ATG4B: variants seen among roughly 807,000 people sequenced by gnomAD.
The protein encoded by ATG4B is autophagy related 4B cysteine peptidase.
In ATG4B, 29 loss-of-function variants were observed where a neutral mutation model predicts 56.6. The ratio of observed to expected loss-of-function variants is 0.51; its 90% CI spans 0.38 to 0.70. The LOEUF (loss-of-function observed/expected upper bound fraction) is 0.70, where lower values mean the gene tolerates loss of function less well. Ranked by LOEUF, ATG4B falls within the 30% of genes least tolerant of loss-of-function variation. The probability of loss-of-function intolerance (pLI) is 0.00; values close to 1 mark genes in which losing one functional copy is unlikely to be tolerated. For missense variants in ATG4B, 461 were observed against 515.5 expected, an observed-to-expected ratio of 0.89 and a Z score of 1.02; for synonymous variants, 224 against 206.1, an observed-to-expected ratio of 1.09 and a Z score of -0.74.
Position 241,668,300 on chromosome 2 carries a change from G to A in ATG4B, c.811+79G>A. On this transcript the variant is annotated intron_variant, in intron 9 of 12. Coordinates refer to ENST00000404914, the MANE Select transcript of ATG4B (RefSeq NM_013325.5). This position sits in a 1 kb window ranked among gnomAD's most constrained non-coding sequence, Gnocchi z 4.2. The stretch of plus-strand genomic sequence containing the variant: ...TCCATGAGCAGGTACCACACCCCAG[G>A]TGACCACTTGAGGCCACTGGTGGAA... The A allele has an allele frequency of 2.0e-6, 3 of 1,497,048 alleles. No homozygotes were observed. Among genetic ancestry groups the A allele is most frequent in the Non-Finnish European group, 2.7e-6 (3 of 1,098,394 alleles). The allele number at this position is 1,497,048 out of a possible 1,614,324, so 92.7% of individuals were successfully genotyped here.
chr2:241,664,684 G>T (rs1017392881), intron 7 of ATG4B, among the ~76,000 whole-genome samples: 1 of 152,088 alleles, frequency 6.6e-6, no homozygotes, highest in African/African-American at 2.4e-5. Flanking sequence ...GAAAAATGAG[G>T]CCAGGCACAT....
intron 10 of ATG4B, among the ~76,000 whole-genome samples, chr2:241,669,862 G>A (rs1156799717): frequency 6.6e-6 from 1 of 152,190 alleles, no homozygotes; most frequent in Non-Finnish European, 1.5e-5. Flanking sequence ...ACTAGAATTA[G>A]GTATGTTTGT....
chr2:241,672,342 C>G lies in ATG4B; in HGVS notation c.*78C>G. The G allele has an allele frequency of 7.4e-7, 1 of 1,342,642 alleles. No homozygotes were observed. Among genetic ancestry groups the G allele is most frequent in the Non-Finnish European group, 1.0e-6 (1 of 962,548 alleles). 83.2% of individuals were successfully genotyped at this position (1,342,642 alleles called of 1,614,324 possible). A position where few individuals can be genotyped will look rare whatever the true frequency, so the allele number is the denominator to read the frequency against. On this transcript the variant is annotated 3_prime_UTR_variant, in exon 13 of 13. Coordinates refer to ENST00000404914, the MANE Select transcript of ATG4B (RefSeq NM_013325.5). ...CTGCGTTTCATCCATCCCGCCCGCT[C>G]GCCTGCCGAGGGCTGCGCCCCGTGC...
At chr2:241,667,976 C>A in intron 8 of ATG4B, 167 bp from the exon 9 acceptor site, 1 of 614,254 alleles carries the variant, frequency 1.6e-6, no homozygotes, top group Non-Finnish European at 2.8e-6. Flanking sequence ...TGTGGGATGT[C>A]CTGTGGTCTT....
chr2:241,645,313 G>A lies in ATG4B; in HGVS notation c.11-5697G>A, dbSNP rs548922224. ...GTCCTTGGAGCCAGCCCGTGAGGCC[G>A]GGGGCAGGCTCTTGCTCTCTAAATG... On this transcript the variant is annotated intron_variant, in intron 1 of 12. Transcript: ENST00000404914. 4.6e-5 allele frequency among the ~76,000 whole-genome samples: 7 copies of A among 152,290 alleles called. No individual in the cohort carries two copies. In the South Asian group the frequency reaches 1.0e-3, roughly 23 times the overall value.
intron 1 of ATG4B, among the ~76,000 whole-genome samples, chr2:241,649,277 G>A (rs1425008536): frequency 1.3e-5 from 2 of 152,218 alleles, no homozygotes; most frequent in African/African-American, 4.8e-5. Flanking sequence ...GGCATAGTAT[G>A]ATTTCACGTA....
At chr2:241,658,411 C>T (rs1235977333) in intron 6 of ATG4B, among the ~76,000 whole-genome samples, 1 of 152,152 alleles carries the variant, frequency 6.6e-6, no homozygotes, top group Non-Finnish European at 1.5e-5. Flanking sequence ...CTGCTCCACC[C>T]CCACCCAGCT....
intron 6 of ATG4B, 147 bp downstream of exon 6, chr2:241,655,490 G>C: frequency 6.6e-6 from 5 of 761,900 alleles, no homozygotes; most frequent in Non-Finnish European, 8.6e-6. Flanking sequence ...AGCGATGACT[G>C]TGTTGAGGTC....
chr2:241,654,956 G>T, intron 5 of ATG4B: 1 of 572,580 alleles, frequency 1.7e-6, no homozygotes. Flanking sequence ...TGAATGCTCA[G>T]ATTGAAGTGG....
Position 241,666,791 on chromosome 2 carries a change from C to T in ATG4B, c.685C>T (p.Arg229Cys), listed in dbSNP as rs896136646. ...WRPLVLLIPLRLGLTDINEAY... is the reference protein window; with the variant it reads ...WRPLVLLIPLCLGLTDINEAY... ...ACCCCTGGTACTTCTCATTCCCCTG[C>T]GCCTGGGGCTCACGGACATCAACGA... Residue 229 changes from arginine (R) to cysteine (C), a missense_variant, in exon 8 of 13, where the codon CGC becomes TGC. By Grantham distance (180) the Arg-to-Cys change is radical (BLOSUM62 -3). Coordinates refer to ENST00000404914, the MANE Select transcript of ATG4B (RefSeq NM_013325.5). 5 of 1,584,890 alleles carry T rather than the reference C, an allele frequency of 3.2e-6. No homozygotes were observed. The highest frequency in any genetic ancestry group is 1.1e-5 in the South Asian group (1 of 87,072).
intron 1 of ATG4B, among the ~76,000 whole-genome samples, chr2:241,640,203 CTG>C (rs2067842460): frequency 1.3e-5 from 2 of 152,206 alleles, no homozygotes; most frequent in South Asian, 4.1e-4. Context: ...CCCTTGACAA[CTG>C]TGTTGACATG....
In ATG4B at chr2:241,668,044, A is replaced by G. The variant is rs2068834281; in HGVS notation, c.733-99A>G. 1.7e-6 allele frequency: 2 copies of G among 1,177,554 alleles called. No individual in the cohort carries two copies. Among genetic ancestry groups the G allele is most frequent in the South Asian group, 2.8e-5 (2 of 71,098 alleles). 72.9% of individuals were successfully genotyped at this position (1,177,554 alleles called of 1,614,324 possible). A position where few individuals can be genotyped will look rare whatever the true frequency, so the allele number is the denominator to read the frequency against. The stretch of plus-strand genomic sequence containing the variant: ...CCTCCTGTCCCCTCTTGTGTCACCC[A>G]GTTGGGCCTCAGCAGGCCCTTGGGC... On this transcript the variant is annotated intron_variant, in intron 8 of 12. Coordinates refer to ENST00000404914, the MANE Select transcript of ATG4B (RefSeq NM_013325.5). This position sits in a 1 kb window ranked among gnomAD's most constrained non-coding sequence, Gnocchi z 4.2.
Position 241,673,408 on chromosome 2 carries a change from G to GA in ATG4B, c.*1145dup. ...GGAAATGTAAACAGGAGGGCTTGGG[G>GA]AGCGTGGGCACTTTTCTCATGAGCA... is the stretch of plus-strand genomic sequence containing the variant. On this transcript the variant is annotated 3_prime_UTR_variant, in exon 13 of 13. Transcript: ENST00000404914. 2.7e-6 allele frequency: 1 copy of GA among 374,444 alleles called. No homozygotes were observed. Among genetic ancestry groups the GA allele is most frequent in the Non-Finnish European group, 5.4e-6 (1 of 185,984 alleles). 23.2% of individuals were successfully genotyped at this position (374,444 alleles called of 1,614,324 possible).
Position 241,651,915 on chromosome 2 carries a change from G to A in ATG4B, c.184+580G>A. 7.7e-7 allele frequency: 1 copy of A among 1,304,150 alleles called. No individual in the cohort carries two copies. Among genetic ancestry groups the A allele is most frequent in the Non-Finnish European group, 1.0e-6 (1 of 988,830 alleles). 80.8% of individuals were successfully genotyped at this position (1,304,150 alleles called of 1,614,324 possible). ...ATCATTGTTGTATACCCTGGAGCTG[G>A]AAGGAGATGGGGACTGGTTCTCAGC... On this transcript the variant is annotated intron_variant, in intron 3 of 12. Transcript: ENST00000404914. The surrounding 1 kb of genome is among the most constrained non-coding windows in gnomAD (Gnocchi z 4.1).
chr2:241,664,056 G>C (rs907630791), intron 7 of ATG4B, among the ~76,000 whole-genome samples: 2 of 152,120 alleles, frequency 1.3e-5, no homozygotes, highest in Admixed American at 6.5e-5. Flanking sequence ...CTGACCTCAT[G>C]ATCTGCCCAC....
At chr2:241,662,319 C>A (rs2068614409) in intron 7 of ATG4B, among the ~76,000 whole-genome samples, 1 of 152,204 alleles carries the variant, frequency 6.6e-6, no homozygotes, top group Non-Finnish European at 1.5e-5. Context: ...GGCATCTCAT[C>A]TTTGTGCCAT....
At chr2:241,660,060 C>T (rs2068542757) in intron 7 of ATG4B, among the ~76,000 whole-genome samples, 1 of 152,068 alleles carries the variant, frequency 6.6e-6, no homozygotes, top group Admixed American at 6.6e-5. Flanking sequence ...CATGGTGGCA[C>T]GCGCCTATAG....
intron 11 of ATG4B, 33 bp downstream of exon 11, chr2:241,670,815 G>A (rs935394703): frequency 1.9e-6 from 3 of 1,589,468 alleles, no homozygotes; most frequent in Middle Eastern, 1.7e-4. Flanking sequence ...CAGCCGAGCT[G>A]AGCCACCCAG....
At chr2:241,669,402 C>CT (rs2068886391) in intron 10 of ATG4B, among the ~76,000 whole-genome samples, 1 of 152,254 alleles carries the variant, frequency 6.6e-6, no homozygotes, top group African/African-American at 2.4e-5. Context: ...GGGACGGTCT[C>CT]TGAGCTGTGG....
Sources: gnomAD v4.1 joint callset for allele counts (sites outside exome capture counted in the v4.1 genomes callset) on GRCh38, gnomAD v4.1.1 for gene constraint, Gnocchi (gnomAD v3.1) non-coding constraint, MANE v1.5 for transcripts, NCBI Gene and HGNC (gene_info 2026-07-23, HGNC 2026-07-21) for gene names.